NPAS3: variants seen among roughly 807,000 people sequenced by gnomAD.
NPAS3 encodes the protein neuronal PAS domain-containing protein 3.
In NPAS3, 14 loss-of-function variants were observed where a neutral mutation model predicts 73.1. The ratio of observed to expected loss-of-function variants is 0.19; its 90% CI spans 0.13 to 0.30. NPAS3 has a LOEUF of 0.30. NPAS3 is among the 10% of genes least tolerant of loss of function. The probability of loss-of-function intolerance (pLI) is 1.00; values close to 1 mark genes in which losing one functional copy is unlikely to be tolerated. For missense variants in NPAS3, 1,096 were observed against 1,250.0 expected (o/e 0.88, Z 1.86); for synonymous variants, 620 against 541.5 (o/e 1.14, Z -2.01).
At chr14:32,965,080 T>G (rs1382378926) in intron 1 of NPAS3, among the ~76,000 whole-genome samples, 5 of 152,160 alleles carry the variant, frequency 3.3e-5, no homozygotes, top group Non-Finnish European at 5.9e-5. Context: ...ACTAAAAGTC[T>G]CCCAGCAAAG....
At chr14:33,506,726 T>A (rs2052781442) in intron 4 of NPAS3, among the ~76,000 whole-genome samples, 1 of 152,040 alleles carries the variant, frequency 6.6e-6, no homozygotes, top group African/African-American at 2.4e-5. Context: ...CATTAAATAT[T>A]TATTGACTAT....
chr14:33,363,949 T>TGTGTGTGTTG (rs59258926), intron 3 of NPAS3, among the ~76,000 whole-genome samples: 1 of 46,032 alleles, frequency 2.2e-5, no homozygotes, highest in Non-Finnish European at 6.6e-5. Flanking sequence ...TGTGTGTGTG[T>TGTGTGTGTTG]TGTGTGTGTG....
At chr14:33,467,799 T>C (rs1408519399) in intron 4 of NPAS3, among the ~76,000 whole-genome samples, 1 of 152,186 alleles carries the variant, frequency 6.6e-6, no homozygotes, top group Non-Finnish European at 1.5e-5. Flanking sequence ...ATTTTCTGTG[T>C]TCAGCAAAAG....
intron 4 of NPAS3, among the ~76,000 whole-genome samples, chr14:33,509,661 C>T (rs1329096303): frequency 6.6e-6 from 1 of 151,912 alleles, no homozygotes; most frequent in African/African-American, 2.4e-5. Flanking sequence ...GCGTAATTCA[C>T]TAGGTACTTG....
At chr14:33,618,409 A>C (rs866299998) in intron 5 of NPAS3, among the ~76,000 whole-genome samples, 3 of 152,168 alleles carry the variant, frequency 2.0e-5, no homozygotes, top group African/African-American at 7.2e-5. Context: ...ATCATCAGGC[A>C]CTAGATTCTC....
chr14:33,652,426 T>C (rs999212225), intron 5 of NPAS3, among the ~76,000 whole-genome samples: 1 of 152,202 alleles, frequency 6.6e-6, no homozygotes, highest in African/African-American at 2.4e-5. Flanking sequence ...GACCTTCTAA[T>C]TGAAAGACTG....
intron 2 of NPAS3, among the ~76,000 whole-genome samples, chr14:33,060,193 G>A (rs1281409677): frequency 2.6e-5 from 4 of 152,218 alleles, no homozygotes; most frequent in Admixed American, 6.5e-5. Context: ...GGAAAGATAA[G>A]TAGGAAAGAG....
intron 3 of NPAS3, among the ~76,000 whole-genome samples, chr14:33,348,270 C>G (rs1162377895): frequency 1.3e-5 from 2 of 152,172 alleles, no homozygotes; most frequent in African/African-American, 4.8e-5. Flanking sequence ...TCCAGCCGCT[C>G]TCTCCCTTCC....
intron 5 of NPAS3, among the ~76,000 whole-genome samples, chr14:33,589,089 A>C (rs1661605303): frequency 6.6e-6 from 1 of 152,156 alleles, no homozygotes; most frequent in Non-Finnish European, 1.5e-5. Flanking sequence ...CTCATCCCCC[A>C]AAAATTGTGT....
intron 3 of NPAS3, among the ~76,000 whole-genome samples, chr14:33,319,455 C>T (rs138555053): frequency 1.1e-3 from 173 of 152,010 alleles, no homozygotes; most frequent in African/African-American, 3.8e-3. Context: ...TGTATAATGG[C>T]GAGTAAGAGA....
intron 6 of NPAS3, among the ~76,000 whole-genome samples, chr14:33,693,291 C>A (rs2060283920): frequency 6.6e-6 from 1 of 152,138 alleles, no homozygotes; most frequent in African/African-American, 2.4e-5. Flanking sequence ...CTGTTATGAC[C>A]AATCCCTGTT....
intron 4 of NPAS3, among the ~76,000 whole-genome samples, chr14:33,546,630 T>G (rs58473366): frequency 0.018 from 2,768 of 152,300 alleles, 66 homozygotes; most frequent in African/African-American, 0.062. Context: ...TGATTTTATG[T>G]GATAGTTTTG....
At chr14:33,027,373 G>A (rs1323990335) in intron 1 of NPAS3, among the ~76,000 whole-genome samples, 1 of 152,130 alleles carries the variant, frequency 6.6e-6, no homozygotes, top group African/African-American at 2.4e-5. Context: ...GAAAAGGCCT[G>A]ATTTTCCAGC....
chr14:33,261,214 C>T (rs778833345), intron 3 of NPAS3, among the ~76,000 whole-genome samples: 3 of 151,808 alleles, frequency 2.0e-5, no homozygotes, highest in Non-Finnish European at 4.4e-5. Flanking sequence ...CTGAGTTGGT[C>T]ATATTTTCTC....
chr14:33,724,651 C>T lies in NPAS3; in HGVS notation c.734-10563C>T, dbSNP rs561165505. On this transcript the variant is annotated intron_variant, in intron 6 of 11. Transcript: ENST00000356141. ...CCAATCTCAAAAACAACAAAAAATG[C>T]ATATTAAAAACATGTGAGATGTTTT... Among the ~76,000 whole-genome samples the T allele has an allele frequency of 1.4e-4, 22 of 151,816 alleles. No individual in the cohort carries two copies. In the South Asian group the frequency reaches 4.4e-3, roughly 30 times the overall value.
At chr14:33,660,793 T>G (rs1158068419) in intron 5 of NPAS3, among the ~76,000 whole-genome samples, 1 of 152,188 alleles carries the variant, frequency 6.6e-6, no homozygotes, top group East Asian at 1.9e-4. Flanking sequence ...TCTATGAGAC[T>G]GTTTTATTCG....
intron 4 of NPAS3, among the ~76,000 whole-genome samples, chr14:33,442,006 A>T (rs946736695): frequency 1.3e-5 from 2 of 152,068 alleles, no homozygotes; most frequent in Non-Finnish European, 2.9e-5. Flanking sequence ...CAGCCAAACC[A>T]TATCAGCTCT....
chr14:33,778,877 T>A (rs1370824198), intron 9 of NPAS3, among the ~76,000 whole-genome samples: 1 of 152,210 alleles, frequency 6.6e-6, no homozygotes, highest in Non-Finnish European at 1.5e-5. Flanking sequence ...ACCTTGACCC[T>A]TTCATTTTCT....
chr14:33,502,004 C>T (rs1320323222), intron 4 of NPAS3, among the ~76,000 whole-genome samples: 2 of 151,852 alleles, frequency 1.3e-5, no homozygotes, highest in African/African-American at 4.8e-5. Flanking sequence ...TCTAATTCAT[C>T]CAATTGCTCC....
Sources: gnomAD v4.1 joint callset for allele counts (sites outside exome capture counted in the v4.1 genomes callset) on GRCh38, gnomAD v4.1.1 for gene constraint, MANE v1.5 for transcripts, NCBI Gene and HGNC (gene_info 2026-07-23, HGNC 2026-07-21) for gene names.